Variants in SLCO5A1 observed in about 807,000 individuals in gnomAD.
The protein encoded by SLCO5A1 is solute carrier organic anion transporter family member 5A1.
A neutral mutation model predicts 65.1 loss-of-function variants in SLCO5A1; 39 were observed. That is an observed-to-expected ratio of 0.60 (90% CI 0.46 to 0.78). The LOEUF (loss-of-function observed/expected upper bound fraction) is 0.78, where lower values mean the gene tolerates loss of function less well. Among genes scored for constraint, SLCO5A1 ranks in the 30% least tolerant of loss-of-function variants. The pLI, the probability that SLCO5A1 is intolerant of heterozygous loss-of-function variation, is 0.00. For missense variants in SLCO5A1, 1,029 were observed against 1,069.4 expected (o/e 0.96, Z 0.53); for synonymous variants, 438 against 415.7 (o/e 1.05, Z -0.65).
intron 2 of SLCO5A1, among the ~76,000 whole-genome samples, chr8:69,762,620 GA>G (rs567270392): frequency 3.3e-5 from 5 of 149,686 alleles, no homozygotes; most frequent in South Asian, 4.2e-4. Context: ...CTAAGATAAG[GA>G]AAAAAAAAGG....
At chr8:69,753,539 A>G (rs1817413139) in intron 4 of SLCO5A1, among the ~76,000 whole-genome samples, 1 of 152,174 alleles carries the variant, frequency 6.6e-6, no homozygotes, top group Non-Finnish European at 1.5e-5. Context: ...ATTCTCAGCA[A>G]CAGTTGTATC....
chr8:69,772,513 C>T (rs1045963747), intron 2 of SLCO5A1, among the ~76,000 whole-genome samples: 1 of 136,254 alleles, frequency 7.3e-6, no homozygotes. Flanking sequence ...GCCTGGGTGA[C>T]AGAGCGAGAA....
intron 9 of SLCO5A1, among the ~76,000 whole-genome samples, chr8:69,675,954 T>C (rs1048602483): frequency 3.3e-5 from 5 of 152,220 alleles, no homozygotes; most frequent in African/African-American, 9.6e-5. Flanking sequence ...TACATGCTTA[T>C]TTCCCATTGT....
intron 4 of SLCO5A1, among the ~76,000 whole-genome samples, chr8:69,739,077 T>C (rs1367171572): frequency 6.6e-6 from 1 of 152,234 alleles, no homozygotes; most frequent in African/African-American, 2.4e-5. Context: ...AATAGAGCTG[T>C]ATGTACTGGC....
intron 6 of SLCO5A1, among the ~76,000 whole-genome samples, chr8:69,696,246 A>G (rs1452836591): frequency 6.6e-6 from 1 of 152,226 alleles, no homozygotes; most frequent in Non-Finnish European, 1.5e-5. Flanking sequence ...CACTTGAAAT[A>G]AAAGCAGAGT....
In SLCO5A1 at chr8:69,831,674, A is replaced by C. The variant is rs191489125; in HGVS notation, c.907+93T>G. 1.0e-3 allele frequency: 1,402 copies of C among 1,340,996 alleles called. 6 individuals carry two copies. The highest frequency in any genetic ancestry group is 5.6e-4 in the Non-Finnish European group (546 of 974,022). 83.1% of individuals were successfully genotyped at this position (1,340,996 alleles called of 1,614,324 possible). A position where few individuals can be genotyped will look rare whatever the true frequency, so the allele number is the denominator to read the frequency against. The stretch of plus-strand genomic sequence containing the variant: ...TGAACTTTAATCTATAATATACATG[A>C]AAATGTGAAAGAACATGTTTCCTTT... On this transcript the variant is annotated intron_variant, in intron 2 of 9. Coordinates refer to ENST00000260126, the MANE Select transcript of SLCO5A1 (RefSeq NM_030958.3).
intron 5 of SLCO5A1, among the ~76,000 whole-genome samples, chr8:69,733,637 TCCC>T (rs1816431383): frequency 6.6e-6 from 1 of 152,124 alleles, no homozygotes; most frequent in Non-Finnish European, 1.5e-5. Context: ...TGGTGGTGGT[TCCC>T]CCATGCTAGT....
chr8:69,669,016 C>T lies in SLCO5A1; in HGVS notation c.*3853G>A, dbSNP rs148712834. 5 of 152,138 alleles carry T rather than the reference C, an allele frequency of 3.3e-5. No homozygotes were observed. The East Asian group carries it at 9.6e-4, about 29-fold the overall frequency. 9.4% of individuals were successfully genotyped at this position (152,138 alleles called of 1,614,324 possible). A position where few individuals can be genotyped will look rare whatever the true frequency, so the allele number is the denominator to read the frequency against. On this transcript the variant is annotated 3_prime_UTR_variant, in exon 10 of 10. Coordinates refer to ENST00000260126, the MANE Select transcript of SLCO5A1 (RefSeq NM_030958.3). ...AAATAAAAAAAAATACACTTGAAAT[C>T]CCTAAAGCTCAGATTCAACAAATCT... is the stretch of plus-strand genomic sequence containing the variant.
intron 2 of SLCO5A1, among the ~76,000 whole-genome samples, chr8:69,763,297 A>T (rs928421834): frequency 6.6e-6 from 1 of 151,694 alleles, no homozygotes; most frequent in Non-Finnish European, 1.5e-5. Flanking sequence ...CAACAAGAGC[A>T]AAAACTCCAT....
At chr8:69,803,233 T>C (rs1011012015) in intron 2 of SLCO5A1, among the ~76,000 whole-genome samples, 1 of 152,056 alleles carries the variant, frequency 6.6e-6, no homozygotes, top group African/African-American at 2.4e-5. Flanking sequence ...CTGGCCAACA[T>C]GGTGAAACCC....
chr8:69,779,782 A>G (rs989443710), intron 2 of SLCO5A1, among the ~76,000 whole-genome samples: 2 of 152,166 alleles, frequency 1.3e-5, no homozygotes, highest in African/African-American at 4.8e-5. Flanking sequence ...AAACACAAAA[A>G]GGTATCAAAA....
At chr8:69,695,795 G>A (rs1183500176) in intron 6 of SLCO5A1, among the ~76,000 whole-genome samples, 1 of 152,170 alleles carries the variant, frequency 6.6e-6, no homozygotes, top group Non-Finnish European at 1.5e-5. Flanking sequence ...TACTGTGTTA[G>A]ACAGATGAGT....
intron 4 of SLCO5A1, among the ~76,000 whole-genome samples, chr8:69,752,323 A>T (rs1408640130): frequency 2.0e-5 from 3 of 152,178 alleles, no homozygotes; most frequent in Non-Finnish European, 2.9e-5. Context: ...TGGGACTCAA[A>T]CTCAGATTTA....
chr8:69,735,735 G>A (rs1019980192), intron 5 of SLCO5A1, among the ~76,000 whole-genome samples: 2 of 152,132 alleles, frequency 1.3e-5, no homozygotes, highest in African/African-American at 4.8e-5. Flanking sequence ...ATACCCAGGT[G>A]ATGGGTTGGT....
chr8:69,772,170 G>A (rs1438943425), intron 2 of SLCO5A1, among the ~76,000 whole-genome samples: 3 of 152,080 alleles, frequency 2.0e-5, no homozygotes, highest in Admixed American at 1.3e-4. Context: ...TTGCAACCTC[G>A]GGGAACAACT....
chr8:69,746,613 G>A (rs1262589651), intron 4 of SLCO5A1, among the ~76,000 whole-genome samples: 1 of 152,174 alleles, frequency 6.6e-6, no homozygotes, highest in Non-Finnish European at 1.5e-5. Context: ...TTTGCCTTGA[G>A]GGCATAGGAA....
rs937612893 is a variant in SLCO5A1 at position 69,679,694 on chromosome 8, T to C, written c.1783-75A>G. On this transcript the variant is annotated intron_variant, in intron 7 of 9. Coordinates refer to ENST00000260126, the MANE Select transcript of SLCO5A1 (RefSeq NM_030958.3). ...TGGCATAAGAATATTAAGACAAAGTTAAGTAAAAGTACTCTAAAATAGCTC... is the reference window on the plus strand; with the variant it reads ...TGGCATAAGAATATTAAGACAAAGTCAAGTAAAAGTACTCTAAAATAGCTC... 4.5e-6 allele frequency: 7 copies of C among 1,558,486 alleles called. No individual in the cohort carries two copies. In the Admixed American group the frequency reaches 1.3e-4, roughly 29 times the overall value.
At chr8:69,815,475 G>A (rs1331318274) in intron 2 of SLCO5A1, among the ~76,000 whole-genome samples, 1 of 151,912 alleles carries the variant, frequency 6.6e-6, no homozygotes, top group Non-Finnish European at 1.5e-5. Context: ...AAAAACTCTA[G>A]GTCTTATAAC....
intron 6 of SLCO5A1, among the ~76,000 whole-genome samples, chr8:69,702,225 C>T (rs1456664783): frequency 1.3e-5 from 2 of 152,150 alleles, no homozygotes; most frequent in Non-Finnish European, 2.9e-5. Flanking sequence ...AAGAGCTAGC[C>T]TTCAGTGCCT....
Sources: gnomAD v4.1 joint callset for allele counts (sites outside exome capture counted in the v4.1 genomes callset) on GRCh38, gnomAD v4.1.1 for gene constraint, MANE v1.5 for transcripts, NCBI Gene and HGNC (gene_info 2026-07-23, HGNC 2026-07-21) for gene names.